TRIM5: variants seen among roughly 807,000 people sequenced by gnomAD.
TRIM5 encodes tripartite motif-containing protein 5.
TRIM5 carries 31 observed loss-of-function variants against 35.6 expected under a neutral mutation model. The ratio of observed to expected loss-of-function variants is 0.87; its 90% CI spans 0.65 to 1.18. The LOEUF (loss-of-function observed/expected upper bound fraction) is 1.18, where lower values mean the gene tolerates loss of function less well. TRIM5 is among the 50% of genes most tolerant of loss of function. The pLI is 0.00. For synonymous variants in TRIM5, 243 were observed against 215.6 expected (o/e 1.13, Z -1.11); for missense variants, 609 against 591.6 (o/e 1.03, Z -0.31).
the TRIM5 span, among the ~76,000 whole-genome samples, chr11:5,646,077 T>C: frequency 7.9e-6 from 1 of 126,148 alleles, no homozygotes; most frequent in Non-Finnish European, 1.6e-5. Context: ...TATAAATGTA[T>C]ACATTTTAAT....
chr11:5,656,583 A>G, the TRIM5 span, among the ~76,000 whole-genome samples: 1 of 152,070 alleles, frequency 6.6e-6, no homozygotes, highest in Non-Finnish European at 1.5e-5. Context: ...CGAACTCCCA[A>G]CCTTAGGTGA....
At chr11:5,678,042 G>C (rs1852128332) in intron 4 of TRIM5, 162 bp downstream of exon 4, 7 of 606,142 alleles carry the variant, frequency 1.2e-5, no homozygotes, top group Non-Finnish European at 1.9e-5. Flanking sequence ...ATTATCTCTT[G>C]CTACTTCTAC....
the TRIM5 span, among the ~76,000 whole-genome samples, chr11:5,609,690 A>G: frequency 6.6e-6 from 1 of 152,148 alleles, no homozygotes; most frequent in Admixed American, 6.5e-5. Context: ...TGGGAGGCTG[A>G]GGAGGGCAGA....
At chr11:5,627,436 C>T in the TRIM5 span, among the ~76,000 whole-genome samples, 1 of 152,026 alleles carries the variant, frequency 6.6e-6, no homozygotes, top group Non-Finnish European at 1.5e-5. Context: ...GAACAATTTC[C>T]TGAATTCAGG....
At chr11:5,590,634 G>A in the TRIM5 span, 1 of 152,126 alleles carries the variant, frequency 6.6e-6, no homozygotes, top group Non-Finnish European at 1.5e-5. Context: ...ACAGACCACT[G>A]GGCTCTACCA....
At chr11:5,683,494 C>T (rs929152190) in intron 1 of TRIM5, among the ~76,000 whole-genome samples, 11 of 151,964 alleles carry the variant, frequency 7.2e-5, no homozygotes, top group Non-Finnish European at 1.2e-4. Flanking sequence ...TCTAGCTACT[C>T]TGGTGGGGAC....
At chr11:5,668,397 G>A (rs542970256) in intron 4 of TRIM5, among the ~76,000 whole-genome samples, 63 of 152,276 alleles carry the variant, frequency 4.1e-4, no homozygotes, top group South Asian at 1.2e-3. Context: ...AGATGTTTAC[G>A]CGGCCTTTGC....
At chr11:5,597,701 T>A in the TRIM5 span, among the ~76,000 whole-genome samples, 1 of 152,148 alleles carries the variant, frequency 6.6e-6, no homozygotes, top group Non-Finnish European at 1.5e-5. Flanking sequence ...AGCCCCAGTA[T>A]CCCCTGCTGA....
the TRIM5 span, chr11:5,610,669 C>A: frequency 1.9e-6 from 3 of 1,567,088 alleles, no homozygotes; most frequent in South Asian, 3.6e-5. Flanking sequence ...TCCCCCATCC[C>A]CGCCATATAG....
chr11:5,607,928 C>T, the TRIM5 span, among the ~76,000 whole-genome samples: 1 of 152,012 alleles, frequency 6.6e-6, no homozygotes, highest in South Asian at 2.1e-4. Flanking sequence ...TGGATGAAGT[C>T]AGCAAAGGTA....
chr11:5,648,993 G>A, the TRIM5 span, among the ~76,000 whole-genome samples: 3 of 152,128 alleles, frequency 2.0e-5, no homozygotes, highest in Non-Finnish European at 4.4e-5. Context: ...AACCAGTATA[G>A]GTGTTTGCTT....
chr11:5,611,544 C>T, the TRIM5 span: 1 of 524,760 alleles, frequency 1.9e-6, no homozygotes, highest in Non-Finnish European at 3.3e-6. Context: ...ACCTCTGCCT[C>T]CTGGGTTCAA....
At chr11:5,637,274 A>G in the TRIM5 span, among the ~76,000 whole-genome samples, 4 of 152,144 alleles carry the variant, frequency 2.6e-5, no homozygotes, top group African/African-American at 9.7e-5. Flanking sequence ...GATTCTCATG[A>G]TGGCGATCGG....
chr11:5,637,467 A>G, the TRIM5 span, among the ~76,000 whole-genome samples: 1 of 152,174 alleles, frequency 6.6e-6, no homozygotes, highest in African/African-American at 2.4e-5. Context: ...AGATACTTTG[A>G]TTTTTAATGC....
At chr11:5,616,100 A>G in the TRIM5 span, among the ~76,000 whole-genome samples, 22,949 of 147,210 alleles carry the variant, frequency 0.16, 1,824 homozygotes, top group East Asian at 0.29. Context: ...ACAGGCGCCC[A>G]CCACCACGCC....
chr11:5,679,971 A>C lies in TRIM5; in HGVS notation c.207T>G (p.Pro69=). Residue 69 remains proline (P), a synonymous_variant, in exon 2 of 8, where the codon CCT becomes CCG. Coordinates refer to ENST00000380034, the MANE Select transcript of TRIM5 (RefSeq NM_033034.3). The stretch of plus-strand genomic sequence containing the variant: ...CCACTATGTTGGCTACATGCCGATT[A>C]GGCCGTATGTTCTCAGGCTGGTAAC... ...RISYQPENIR[P]NRHVANIVEK... is the part of the protein sequence containing the mutation. 1.2e-6 allele frequency: 2 copies of C among 1,614,090 alleles called. No individual in the cohort carries two copies. Among genetic ancestry groups the C allele is most frequent in the Non-Finnish European group, 1.7e-6 (2 of 1,179,998 alleles).
intron 4 of TRIM5, among the ~76,000 whole-genome samples, chr11:5,675,346 C>T (rs1851869227): frequency 1.3e-5 from 2 of 152,004 alleles, no homozygotes; most frequent in Non-Finnish European, 1.5e-5. Context: ...TCCTAAGGTG[C>T]CCTGGGGTTC....
At chr11:5,633,202 C>T in the TRIM5 span, among the ~76,000 whole-genome samples, 63 of 143,478 alleles carry the variant, frequency 4.4e-4, no homozygotes, top group East Asian at 5.1e-3. Flanking sequence ...TGGGTGCAGG[C>T]GGACTGAGTC....
downstream of TRIM5, among the ~76,000 whole-genome samples, chr11:5,661,357 C>T (rs186406109): frequency 1.4e-3 from 206 of 152,224 alleles, 1 homozygote; most frequent in African/African-American, 4.7e-3. Flanking sequence ...TTAGAATTGG[C>T]TCTTCATCAG....
Sources: allele counts gnomAD v4.1 joint callset (sites outside exome capture counted in the v4.1 genomes callset), GRCh38; gene constraint gnomAD v4.1.1; transcripts MANE v1.5; gene names NCBI Gene and HGNC (gene_info 2026-07-23, HGNC 2026-07-21).